The following SH3KBP1 variants were observed in gnomAD, a reference collection of about 807,000 sequenced individuals.
The protein encoded by SH3KBP1 is SH3 domain-containing kinase-binding protein 1.
In SH3KBP1, 8 loss-of-function variants were observed where a neutral mutation model predicts 50.1. That is an observed-to-expected ratio of 0.16 (90% CI 0.09 to 0.29). The LOEUF is 0.29. Ranked by LOEUF, SH3KBP1 falls within the 10% of genes least tolerant of loss-of-function variation. SH3KBP1 has a pLI of 1.00. For missense variants in SH3KBP1, 377 were observed against 535.2 expected, an observed-to-expected ratio of 0.70 and a Z score of 2.92; for synonymous variants, 227 against 218.6, an observed-to-expected ratio of 1.04 and a Z score of -0.34.
chrX:19,590,000 A>G (rs2066694697), intron 11 of SH3KBP1, among the ~76,000 whole-genome samples: 1 of 110,589 alleles, frequency 9.0e-6, no homozygotes, highest in South Asian at 3.9e-4. Context: ...AGTCCCAGCT[A>G]TTCGGGAGGC....
intron 3 of SH3KBP1, among the ~76,000 whole-genome samples, chrX:19,744,532 G>C (rs1299096741): frequency 3.6e-5 from 4 of 111,944 alleles, no homozygotes; most frequent in African/African-American, 6.5e-5. Context: ...CGGACAGAAT[G>C]AAGATGATTT....
chrX:19,684,121 A>C, intron 5 of SH3KBP1, 93 bp from the exon 6 acceptor site: 1 of 675,500 alleles, frequency 1.5e-6, no homozygotes, highest in African/African-American at 2.1e-5. Flanking sequence ...CACCTCTAAA[A>C]GTGTGACTGG....
At chrX:19,695,793 G>C in intron 4 of SH3KBP1, 52 bp from the exon 5 acceptor site, 1 of 1,181,471 alleles carries the variant, frequency 8.5e-7, no homozygotes, top group South Asian at 1.8e-5. Context: ...GTTAGACATG[G>C]TGGTTTCCAA....
At chrX:19,754,358 G>A (rs911705207) in intron 2 of SH3KBP1, among the ~76,000 whole-genome samples, 18 of 111,923 alleles carry the variant, frequency 1.6e-4, no homozygotes, top group Admixed American at 1.2e-3. Flanking sequence ...CCCACACCCC[G>A]CTAAACATCT....
At chrX:19,691,723 A>G (rs1324920075) in intron 5 of SH3KBP1, among the ~76,000 whole-genome samples, 3 of 111,497 alleles carry the variant, frequency 2.7e-5, no homozygotes, top group African/African-American at 6.5e-5. Flanking sequence ...GAATTGCAAT[A>G]AAGAAGACTT....
chrX:19,799,388 GA>G (rs1283918363), intron 2 of SH3KBP1, among the ~76,000 whole-genome samples: 2 of 111,471 alleles, frequency 1.8e-5, no homozygotes, highest in African/African-American at 6.5e-5. Context: ...ACTACAAAAG[GA>G]ACTCAGCCAA....
chrX:19,679,506 G>C (rs895211363), intron 6 of SH3KBP1, among the ~76,000 whole-genome samples: 2 of 112,038 alleles, frequency 1.8e-5, no homozygotes, highest in African/African-American at 6.5e-5. Flanking sequence ...ATTTTCTAAG[G>C]TGTAACCTGG....
intron 2 of SH3KBP1, among the ~76,000 whole-genome samples, chrX:19,809,046 A>G (rs781087694): frequency 1.8e-5 from 2 of 112,032 alleles, no homozygotes; most frequent in Admixed American, 1.9e-4. Context: ...AAATTATAAA[A>G]TTAAGTTGTA....
At chrX:19,879,315 C>T (rs2069362331) in intron 1 of SH3KBP1, among the ~76,000 whole-genome samples, 1 of 111,879 alleles carries the variant, frequency 8.9e-6, no homozygotes, top group South Asian at 3.7e-4. Context: ...GAAGCAGGAG[C>T]CTGACATTTT....
intron 3 of SH3KBP1, among the ~76,000 whole-genome samples, chrX:19,734,960 G>C (rs1222027212): frequency 8.9e-6 from 1 of 112,155 alleles, no homozygotes; most frequent in Non-Finnish European, 1.9e-5. Flanking sequence ...TATGAATAAT[G>C]CTGCTATGAA....
chrX:19,676,433 G>T (rs868039607), intron 6 of SH3KBP1, among the ~76,000 whole-genome samples: 2 of 111,550 alleles, frequency 1.8e-5, no homozygotes, highest in South Asian at 3.7e-4. Flanking sequence ...CTGTTTGGTA[G>T]CACAACAGGA....
At position 19,829,418 on chromosome X, in the gene SH3KBP1, C is replaced by CT. The variant is rs1179943466; in HGVS notation, c.162+6706dup. ...AAAAGGCTTGGTGGAACTGTCTGTT[C>CT]TTTTTTTTTTTTTCTTTAATGAAAG... On this transcript the variant is annotated intron_variant, in intron 2 of 17. Transcript: ENST00000397821. Among the ~76,000 whole-genome samples, 813 of 100,450 alleles carry CT rather than the reference C, an allele frequency of 8.1e-3. 8 individuals are homozygous for CT. Among genetic ancestry groups the CT allele is most frequent in the African/African-American group, 0.027 (748 of 27,979 alleles). The allele number at this position is 100,450 out of a possible 115,157, so 87.2% of individuals were successfully genotyped here.
At chrX:19,629,577 G>T (rs1381350975) in intron 8 of SH3KBP1, among the ~76,000 whole-genome samples, 1 of 111,322 alleles carries the variant, frequency 9.0e-6, no homozygotes, top group Non-Finnish European at 1.9e-5. Context: ...GGCCTGGACA[G>T]ATACAGAACA....
chrX:19,723,968 G>A (rs977234804), intron 3 of SH3KBP1, among the ~76,000 whole-genome samples: 3 of 111,442 alleles, frequency 2.7e-5, no homozygotes, highest in Non-Finnish European at 5.7e-5. Flanking sequence ...AGTAATGCAC[G>A]TCCTATCTAT....
At chrX:19,777,228 T>C (rs867167638) in intron 2 of SH3KBP1, among the ~76,000 whole-genome samples, 3 of 111,536 alleles carry the variant, frequency 2.7e-5, no homozygotes, top group Admixed American at 1.9e-4. Context: ...GGCTGTGTGC[T>C]ACAGGGTCAA....
chrX:19,851,369 T>C (rs1399871890), intron 1 of SH3KBP1, among the ~76,000 whole-genome samples: 1 of 112,396 alleles, frequency 8.9e-6, no homozygotes, highest in Non-Finnish European at 1.9e-5. Flanking sequence ...CACCAGCCCC[T>C]GTCCAGAAAA....
intron 2 of SH3KBP1, among the ~76,000 whole-genome samples, chrX:19,776,537 T>TG (rs2065984693): frequency 1.3e-5 from 1 of 78,956 alleles, no homozygotes; most frequent in African/African-American, 4.9e-5. Context: ...ACCTGGTTTT[T>TG]TTTTTTTTTT....
intron 8 of SH3KBP1, among the ~76,000 whole-genome samples, chrX:19,615,246 T>A (rs1313529038): frequency 1.2e-4 from 13 of 112,285 alleles, no homozygotes; most frequent in Non-Finnish European, 2.1e-4. Context: ...AACCAAAAAC[T>A]GAAAACATAA....
chrX:19,561,077 A>C (rs1481484993), intron 13 of SH3KBP1, among the ~76,000 whole-genome samples: 3 of 107,056 alleles, frequency 2.8e-5, no homozygotes, highest in African/African-American at 6.8e-5. Flanking sequence ...CTGTCTAAAA[A>C]AAAAAAAAAA....
Sources: gnomAD v4.1 joint callset for allele counts (sites outside exome capture counted in the v4.1 genomes callset) on GRCh38, gnomAD v4.1.1 for gene constraint, MANE v1.5 for transcripts, NCBI Gene and HGNC (gene_info 2026-07-23, HGNC 2026-07-21) for gene names.